CHN2: variants seen among roughly 807,000 people sequenced by gnomAD.
The protein encoded by CHN2 is chimerin 2.
Under a neutral mutation model 56.3 loss-of-function variants are expected in CHN2, and 35 were observed. The ratio of observed to expected loss-of-function variants is 0.62; its 90% CI spans 0.47 to 0.82. CHN2 has a LOEUF of 0.82. CHN2 is among the 40% of genes least tolerant of loss of function. CHN2 has a pLI of 0.00. For synonymous variants in CHN2, 210 were observed against 212.8 expected, an observed-to-expected ratio of 0.99 and a Z score of 0.12; for missense variants, 491 against 580.5, an observed-to-expected ratio of 0.85 and a Z score of 1.58.
intron 1 of CHN2, among the ~76,000 whole-genome samples, chr7:29,269,638 A>G (rs1328302095): frequency 1.3e-5 from 2 of 152,240 alleles, no homozygotes; most frequent in Non-Finnish European, 2.9e-5. Context: ...GCTGTTTTCC[A>G]TAGTGGCTGT....
rs189652568 is a variant in CHN2 at position 29,162,530 on chromosome 7, G to A, written c.274+15570G>A. Among the ~76,000 whole-genome samples, 380 of 152,028 alleles carry A rather than the reference G, an allele frequency of 2.5e-3. 2 individuals are homozygous for A. Among genetic ancestry groups the A allele is most frequent in the African/African-American group, 8.1e-3 (335 of 41,480 alleles). ...TACAAAATTAGCTGGGCATGGTGGC[G>A]CATGCCTGTAATCCCAACTACTTGG... is the stretch of plus-strand genomic sequence containing the variant. On this transcript the variant is annotated intron_variant, in intron 2 of 6. Coordinates refer to the CHN2 transcript ENST00000439384.
intron 6 of CHN2, among the ~76,000 whole-genome samples, chr7:29,444,298 A>G (rs1042137231): frequency 7.9e-5 from 12 of 152,216 alleles, no homozygotes; most frequent in African/African-American, 2.7e-4. Flanking sequence ...TGCATAACAA[A>G]TTACCCCAAA....
At chr7:29,431,775 C>T (rs1782876602) in intron 6 of CHN2, among the ~76,000 whole-genome samples, 1 of 152,178 alleles carries the variant, frequency 6.6e-6, no homozygotes, top group Admixed American at 6.5e-5. Flanking sequence ...CACAGGGCCA[C>T]CTTAGCAATG....
chr7:29,218,822 A>G (rs1584771319), intron 1 of CHN2, among the ~76,000 whole-genome samples: 1 of 119,214 alleles, frequency 8.4e-6, no homozygotes, highest in Non-Finnish European at 1.7e-5. Flanking sequence ...GGGAGAGGAG[A>G]GGGATAGCAT....
chr7:29,342,802 T>TTA (rs1345897416), intron 1 of CHN2, among the ~76,000 whole-genome samples: 1 of 152,234 alleles, frequency 6.6e-6, no homozygotes, highest in Non-Finnish European at 1.5e-5. Flanking sequence ...TTCTACCTTG[T>TTA]GTTATGGTGA....
At chr7:29,510,828 T>C (rs1318956634) in intron 12 of CHN2, among the ~76,000 whole-genome samples, 1 of 152,178 alleles carries the variant, frequency 6.6e-6, no homozygotes, top group African/African-American at 2.4e-5. Flanking sequence ...CTGAGGTCCA[T>C]CTCAGAGAGT....
At chr7:29,279,187 G>A (rs1030545385) in intron 1 of CHN2, among the ~76,000 whole-genome samples, 1 of 152,194 alleles carries the variant, frequency 6.6e-6, no homozygotes, top group African/African-American at 2.4e-5. Flanking sequence ...AGAGTTGAAA[G>A]GGCAACTGGA....
At chr7:29,325,902 G>A (rs2128898412) in intron 1 of CHN2, among the ~76,000 whole-genome samples, 1 of 152,238 alleles carries the variant, frequency 6.6e-6, no homozygotes, top group South Asian at 2.1e-4. Context: ...AGGAAAACTG[G>A]ACCATATTTT....
At chr7:29,216,312 C>T (rs1450978239) in intron 1 of CHN2, among the ~76,000 whole-genome samples, 1 of 152,138 alleles carries the variant, frequency 6.6e-6, no homozygotes, top group Non-Finnish European at 1.5e-5. Flanking sequence ...GTGGAAATCC[C>T]ACCAGGATTG....
intron 2 of CHN2, among the ~76,000 whole-genome samples, chr7:29,356,757 TC>T (rs1798346109): frequency 6.6e-6 from 1 of 152,222 alleles, no homozygotes; most frequent in African/African-American, 2.4e-5. Context: ...TGCTCTGTAT[TC>T]CGATCTTCTA....
At chr7:29,192,371 T>C (rs1178155975), upstream of CHN2, 1 of 152,174 alleles carries the variant, frequency 6.6e-6, no homozygotes, top group Non-Finnish European at 1.5e-5. Flanking sequence ...GTTAAAACAC[T>C]ATGAAGGGAA....
chr7:29,482,828 T>C (rs1378376109), intron 7 of CHN2, among the ~76,000 whole-genome samples: 10 of 55,884 alleles, frequency 1.8e-4, no homozygotes, highest in Admixed American at 4.8e-4. Flanking sequence ...TTTTTTTTTT[T>C]TTTTTTTTTT....
intron 1 of CHN2, among the ~76,000 whole-genome samples, chr7:29,253,474 T>C (rs1350557482): frequency 6.6e-6 from 1 of 152,348 alleles, no homozygotes; most frequent in Non-Finnish European, 1.5e-5. Context: ...ATTTAGTTTT[T>C]AGCTGGATTC....
At chr7:29,230,283 C>T (rs1055880510) in intron 1 of CHN2, among the ~76,000 whole-genome samples, 2 of 152,150 alleles carry the variant, frequency 1.3e-5, no homozygotes, top group African/African-American at 4.8e-5. Flanking sequence ...TCTTACTAAA[C>T]AAAAATTCGT....
chr7:29,460,675 T>A (rs958529653), intron 6 of CHN2, among the ~76,000 whole-genome samples: 2 of 152,226 alleles, frequency 1.3e-5, no homozygotes, highest in Non-Finnish European at 2.9e-5. Flanking sequence ...CAGTAATTCT[T>A]AGAGTCCAGA....
intron 2 of CHN2, among the ~76,000 whole-genome samples, chr7:29,148,842 C>T (rs558135498): frequency 5.9e-5 from 9 of 152,130 alleles, no homozygotes; most frequent in African/African-American, 9.6e-5. Context: ...GTAATTGGGG[C>T]TGATAAAGTG....
chr7:29,471,814 A>G (rs1786068829), intron 6 of CHN2, among the ~76,000 whole-genome samples: 1 of 152,122 alleles, frequency 6.6e-6, no homozygotes, highest in Non-Finnish European at 1.5e-5. Flanking sequence ...AATGGCCTCA[A>G]ATAAAACCAG....
chr7:29,459,650 C>A lies in CHN2; in HGVS notation c.577-20629C>A, dbSNP rs529165010. On this transcript the variant is annotated intron_variant, in intron 6 of 12. Coordinates refer to ENST00000222792, the MANE Select transcript of CHN2 (RefSeq NM_004067.4). ...GCTGACCCAGCCTCACAGAGCAGCC[C>A]ATAGCAGCAGGTGGGGGCCTCTGTT... Among the ~76,000 whole-genome samples the A allele has an allele frequency of 2.0e-5, 3 of 152,270 alleles. No individual in the cohort carries two copies. The East Asian group carries it at 5.8e-4, about 29-fold the overall frequency.
chr7:29,279,999 T>A (rs932023349), intron 1 of CHN2, among the ~76,000 whole-genome samples: 1 of 152,108 alleles, frequency 6.6e-6, no homozygotes, highest in African/African-American at 2.4e-5. Flanking sequence ...GAAGCTAGAA[T>A]GGATGACAAC....
Sources: gnomAD v4.1 joint callset for allele counts (sites outside exome capture counted in the v4.1 genomes callset) on GRCh38, gnomAD v4.1.1 for gene constraint, MANE v1.5 for transcripts, NCBI Gene and HGNC (gene_info 2026-07-23, HGNC 2026-07-21) for gene names.